KAZN: variants seen among roughly 807,000 people sequenced by gnomAD.
KAZN encodes kazrin, periplakin interacting protein, also known as kazrin.
A neutral mutation model predicts 87.4 loss-of-function variants in KAZN; 40 were observed. The observed-to-expected ratio is 0.46, with a 90% CI of 0.36 to 0.60. The LOEUF (loss-of-function observed/expected upper bound fraction) is 0.60, where lower values mean the gene tolerates loss of function less well. Ranked by LOEUF, KAZN falls within the 20% of genes least tolerant of loss-of-function variation. KAZN has a pLI of 0.00. For synonymous variants in KAZN, 466 were observed against 458.3 expected (o/e 1.02, Z -0.22); for missense variants, 898 against 1,073.9 (o/e 0.84, Z 2.29).
intron 4 of KAZN, among the ~76,000 whole-genome samples, chr1:15,044,611 C>T (rs1380902720): frequency 2.0e-5 from 3 of 151,736 alleles, no homozygotes; most frequent in Non-Finnish European, 4.4e-5. Flanking sequence ...AGGCCTGGTA[C>T]ATGCCTGTAG....
intron 2 of KAZN, among the ~76,000 whole-genome samples, chr1:14,969,046 C>A (rs114362367): frequency 6.6e-6 from 1 of 152,302 alleles, no homozygotes; most frequent in South Asian, 2.1e-4. Flanking sequence ...CCAGCGGGGT[C>A]GGTGGGGCTG....
intron 1 of KAZN, among the ~76,000 whole-genome samples, chr1:13,937,069 T>C (rs1640769862): frequency 6.8e-6 from 1 of 147,610 alleles, no homozygotes; most frequent in Admixed American, 6.8e-5. Context: ...TTTTTTGAAA[T>C]GGAGTCTCAC....
intron 1 of KAZN, among the ~76,000 whole-genome samples, chr1:14,918,937 T>C (rs1658198992): frequency 6.6e-6 from 1 of 151,770 alleles, no homozygotes. Context: ...AACTATGAGA[T>C]AATCAATCCC....
chr1:14,251,055 A>C (rs1649987913), intron 2 of KAZN, among the ~76,000 whole-genome samples: 1 of 152,180 alleles, frequency 6.6e-6, no homozygotes, highest in African/African-American at 2.4e-5. Context: ...CAAAATTACC[A>C]GCAGGAAAGA....
At chr1:14,188,194 C>CGTGT (rs3033865) in intron 2 of KAZN, among the ~76,000 whole-genome samples, 9,532 of 139,994 alleles carry the variant, frequency 0.068, 383 homozygotes, top group Middle Eastern at 0.14. Flanking sequence ...GAGAGAGGAG[C>CGTGT]GTGTGTGTGT....
At chr1:14,970,161 A>G (rs1391210723) in intron 2 of KAZN, among the ~76,000 whole-genome samples, 1 of 152,164 alleles carries the variant, frequency 6.6e-6, no homozygotes, top group Non-Finnish European at 1.5e-5. Context: ...ATTTAATTTG[A>G]GAGTAGTTTG....
intron 1 of KAZN, among the ~76,000 whole-genome samples, chr1:14,693,014 AG>A (rs1217974735): frequency 6.6e-6 from 1 of 152,140 alleles, no homozygotes. Context: ...TGGTCTTCTC[AG>A]GGGTCGTTTT....
intron 1 of KAZN, among the ~76,000 whole-genome samples, chr1:14,076,312 G>A (rs1300579187): frequency 6.6e-6 from 1 of 152,066 alleles, no homozygotes; most frequent in Non-Finnish European, 1.5e-5. Context: ...CACACAGACA[G>A]GTCAGCACAC....
intron 1 of KAZN, among the ~76,000 whole-genome samples, chr1:14,165,266 A>G (rs1397212942): frequency 1.3e-5 from 2 of 151,672 alleles, no homozygotes; most frequent in African/African-American, 2.4e-5. Context: ...CATAGGTCAG[A>G]TATGGGGCAG....
Position 14,191,354 on chromosome 1 carries a change from T to C in KAZN, c.249+10762T>C, listed in dbSNP as rs1399088986. 2.0e-5 allele frequency among the ~76,000 whole-genome samples: 3 copies of C among 152,094 alleles called. No individual in the cohort carries two copies. In the South Asian group the frequency reaches 6.2e-4, roughly 32 times the overall value. ...CAAGTAGCAATTTCATTAATTGAAA[T>C]TTGGAGGTGAAAGTGAGACATGGGT... On this transcript the variant is annotated intron_variant, in intron 2 of 16. Transcript: ENST00000636203.
At chr1:14,859,733 G>C (rs1247683283) in intron 1 of KAZN, among the ~76,000 whole-genome samples, 2 of 152,174 alleles carry the variant, frequency 1.3e-5, no homozygotes, top group Non-Finnish European at 2.9e-5. Context: ...GAGCTAATAA[G>C]GAGGGCAGGA....
At chr1:14,433,670 C>T (rs983766741) in intron 2 of KAZN, among the ~76,000 whole-genome samples, 3 of 152,160 alleles carry the variant, frequency 2.0e-5, no homozygotes, top group African/African-American at 7.2e-5. Flanking sequence ...GCAGCCTGAC[C>T]AACATGGCAA....
At chr1:14,674,494 C>A (rs572861831) in intron 1 of KAZN, among the ~76,000 whole-genome samples, 65 of 152,170 alleles carry the variant, frequency 4.3e-4, no homozygotes, top group Admixed American at 9.8e-4. Flanking sequence ...TAATACTCTC[C>A]ACCTTCTTCA....
chr1:14,878,881 GT>G (rs1653041690), intron 1 of KAZN, among the ~76,000 whole-genome samples: 1 of 152,192 alleles, frequency 6.6e-6, no homozygotes, highest in East Asian at 1.9e-4. Flanking sequence ...TGAATTTGTG[GT>G]TGATATCGAT....
intron 1 of KAZN, among the ~76,000 whole-genome samples, chr1:14,662,944 A>AATATATATATATATAT (rs3085966): frequency 7.0e-6 from 1 of 142,852 alleles, no homozygotes; most frequent in African/African-American, 2.6e-5. Flanking sequence ...TATATATGTA[A>AATATATATATATATAT]ATATATATAT....
intron 2 of KAZN, among the ~76,000 whole-genome samples, chr1:14,239,860 G>C (rs1648785366): frequency 1.3e-5 from 2 of 152,110 alleles, no homozygotes. Flanking sequence ...GGTGGGAAGA[G>C]ATGGTGCTGC....
chr1:14,939,446 C>T (rs1437521296), intron 1 of KAZN, among the ~76,000 whole-genome samples: 1 of 151,534 alleles, frequency 6.6e-6, no homozygotes, highest in Admixed American at 6.6e-5. Context: ...ATTTTTAAAA[C>T]ATTTTGTTTG....
intron 1 of KAZN, among the ~76,000 whole-genome samples, chr1:14,912,873 C>T (rs1162413787): frequency 1.3e-5 from 2 of 152,158 alleles, no homozygotes; most frequent in Admixed American, 6.5e-5. Flanking sequence ...CTTTTACCCT[C>T]GGTTTACTCC....
chr1:14,931,862 C>G (rs761786301), intron 1 of KAZN, among the ~76,000 whole-genome samples: 3 of 152,174 alleles, frequency 2.0e-5, no homozygotes, highest in Non-Finnish European at 4.4e-5. Context: ...AGTACACAGT[C>G]AGGTAGATGG....
Sources: allele counts gnomAD v4.1 joint callset (sites outside exome capture counted in the v4.1 genomes callset), GRCh38; gene constraint gnomAD v4.1.1; transcripts MANE v1.5; gene names NCBI Gene and HGNC (gene_info 2026-07-23, HGNC 2026-07-21).